Variants in RASSF5 observed in about 807,000 individuals in gnomAD.
The protein encoded by RASSF5 is Ras association domain family member 5, also known as ras association domain-containing protein 5.
A neutral mutation model predicts 40.5 loss-of-function variants in RASSF5; 25 were observed. The observed-to-expected ratio is 0.62, with a 90% confidence interval of 0.45 to 0.86. The LOEUF (loss-of-function observed/expected upper bound fraction) is 0.86, where lower values mean the gene tolerates loss of function less well. Ranked by LOEUF, RASSF5 falls within the 40% of genes least tolerant of loss-of-function variation. RASSF5 has a pLI of 0.00. For missense variants in RASSF5, 521 were observed against 572.8 expected, an observed-to-expected ratio of 0.91 and a Z score of 0.92; for synonymous variants, 246 against 252.4, an observed-to-expected ratio of 0.97 and a Z score of 0.24.
chr1:206,540,437 G>A (rs1667516502), intron 2 of RASSF5, among the ~76,000 whole-genome samples: 1 of 152,264 alleles, frequency 6.6e-6, no homozygotes, highest in African/African-American at 2.4e-5. Context: ...GTCTAGAGCA[G>A]AAACACCACT....
At position 206,586,909 on chromosome 1, in the gene RASSF5, A is replaced by G. The variant is rs1669141038; in HGVS notation, c.1188A>G (p.Gln396=). Residue 396 remains glutamine, a synonymous_variant, in exon 6 of 6, where the codon CAA becomes CAG. Transcript: ENST00000579436. Reference sequence around the variant, plus strand: ...AGCAGGACAAAATCCAACAAGTGCAAAAGAAGTATGACAAGTTTAGGCAGA... The same window carrying G: ...AGCAGGACAAAATCCAACAAGTGCAGAAGAAGTATGACAAGTTTAGGCAGA... The part of the protein sequence containing the change: ...KEEQDKIQQV[Q]KKYDKFRQKL... The G allele has an allele frequency of 1.2e-6, 2 of 1,614,214 alleles. No individual in the cohort carries two copies. The highest frequency in any genetic ancestry group is 1.7e-5 in the Admixed American group (1 of 60,030).
At chr1:206,529,441 T>C (rs1460982784) in intron 1 of RASSF5, 7 of 902,566 alleles carry the variant, frequency 7.8e-6, no homozygotes, top group South Asian at 2.7e-5. Context: ...AAAATGGGGG[T>C]CCCTTACTGC....
chr1:206,573,268 C>T (rs1178146018), intron 2 of RASSF5, among the ~76,000 whole-genome samples: 1 of 152,054 alleles, frequency 6.6e-6, no homozygotes, highest in East Asian at 1.9e-4. Flanking sequence ...CACATCAATC[C>T]CGTGAGGCAA....
In RASSF5 at chr1:206,586,888, G is replaced by A; in HGVS notation, c.1167G>A (p.Gln389=). ...TAACAATCCTGGAAAAAGAGGAGCA[G>A]GACAAAATCCAACAAGTGCAAAAGA... is the stretch of plus-strand genomic sequence containing the variant. ...NFLTILEKEE[Q]DKIQQVQKKY... Residue 389 remains glutamine (Q), a synonymous_variant, in exon 6 of 6, where the codon CAG becomes CAA. Coordinates refer to ENST00000579436, the MANE Select transcript of RASSF5 (RefSeq NM_182663.4). 1 of 1,614,160 alleles carries A rather than the reference G, an allele frequency of 6.2e-7. No individual in the cohort carries two copies. Among genetic ancestry groups the A allele is most frequent in the Non-Finnish European group, 8.5e-7 (1 of 1,180,032 alleles).
At chr1:206,521,273 A>G (rs1553396057) in intron 1 of RASSF5, among the ~76,000 whole-genome samples, 8 of 152,222 alleles carry the variant, frequency 5.3e-5, no homozygotes. Context: ...TGTCTCCAGC[A>G]GAGAGGTCCT....
In RASSF5 at chr1:206,517,523, C is replaced by T. The variant is rs781892834; in HGVS notation, c.457+9464C>T. 3.3e-5 allele frequency among the ~76,000 whole-genome samples: 5 copies of T among 152,112 alleles called. No homozygotes were observed. In the South Asian group the frequency reaches 8.3e-4, roughly 25 times the overall value. ...CCCTCCTTCATGTTAAGCTGGTCCC[C>T]GCTGGTGGTTGGCAGGTGAGTCCTG... On this transcript the variant is annotated intron_variant, in intron 1 of 5. Transcript: ENST00000579436.
Position 206,560,451 on chromosome 1 carries a change from C to T in RASSF5, c.579+22158C>T, listed in dbSNP as rs1668107241. Among the ~76,000 whole-genome samples, 1 of 152,240 alleles carries T rather than the reference C, an allele frequency of 6.6e-6. No individual in the cohort carries two copies. The highest frequency in any genetic ancestry group is 2.4e-5 in the African/African-American group (1 of 41,464). On this transcript the variant is annotated intron_variant, in intron 2 of 5. Transcript: ENST00000579436. The surrounding 1 kb of genome is among the most constrained non-coding windows in gnomAD (Gnocchi z 5.1). ...CAGCAAGGGAGATGGGGGCACCAGG[C>T]CCTGGGCCCTAGCTTGGTCTCTCTT...
chr1:206,562,013 GCCC>G (rs1411624871), intron 2 of RASSF5, among the ~76,000 whole-genome samples: 1 of 152,066 alleles, frequency 6.6e-6, no homozygotes, highest in African/African-American at 2.4e-5. Flanking sequence ...ACACTCCCAT[GCCC>G]CCATCTGCCT....
chr1:206,553,331 T>C (rs1667897838), intron 2 of RASSF5, among the ~76,000 whole-genome samples: 1 of 152,192 alleles, frequency 6.6e-6, no homozygotes, highest in Non-Finnish European at 1.5e-5. Context: ...GTTGTTATGG[T>C]ACCATGATCA....
At chr1:206,534,172 C>T (rs1341423089) in intron 1 of RASSF5, among the ~76,000 whole-genome samples, 2 of 152,326 alleles carry the variant, frequency 1.3e-5, no homozygotes, top group African/African-American at 2.4e-5. Flanking sequence ...TCCATCCCAG[C>T]TCCTGGTTGT....
intron 1 of RASSF5, among the ~76,000 whole-genome samples, chr1:206,519,214 A>G (rs888233911): frequency 2.0e-5 from 3 of 152,186 alleles, no homozygotes; most frequent in East Asian, 3.8e-4. Context: ...AAATCATCAT[A>G]GGATCTTAGG....
intron 1 of RASSF5, chr1:206,518,650 A>T: frequency 1.1e-5 from 4 of 362,012 alleles, no homozygotes; most frequent in Admixed American, 4.7e-5. Flanking sequence ...TCTGCTGTTT[A>T]GTGCTGAGCT....
At chr1:206,546,211 G>A (rs1383003443) in intron 2 of RASSF5, among the ~76,000 whole-genome samples, 1 of 141,036 alleles carries the variant, frequency 7.1e-6, no homozygotes, top group Non-Finnish European at 1.5e-5. Flanking sequence ...CCAAGCTCAG[G>A]TGATCCTCCA....
At chr1:206,524,181 T>C (rs1366014636) in intron 1 of RASSF5, among the ~76,000 whole-genome samples, 1 of 136,878 alleles carries the variant, frequency 7.3e-6, no homozygotes, top group Non-Finnish European at 1.5e-5. Context: ...ATATACTTTA[T>C]ATATAATATA....
intron 1 of RASSF5, among the ~76,000 whole-genome samples, chr1:206,537,673 A>G (rs1469430900): frequency 6.6e-6 from 1 of 152,184 alleles, no homozygotes; most frequent in Non-Finnish European, 1.5e-5. Context: ...TGTCATGTCG[A>G]TGCTCAAAGA....
At chr1:206,515,479 T>C (rs1666725253) in intron 1 of RASSF5, among the ~76,000 whole-genome samples, 1 of 152,166 alleles carries the variant, frequency 6.6e-6, no homozygotes, top group Non-Finnish European at 1.5e-5. Flanking sequence ...CAGTCCTCCT[T>C]CTTGCCATGG....
chr1:206,578,159 G>A (rs541094441), intron 2 of RASSF5, among the ~76,000 whole-genome samples: 7 of 152,020 alleles, frequency 4.6e-5, no homozygotes, highest in Non-Finnish European at 8.8e-5. Flanking sequence ...CTAGGAGGTC[G>A]AGGCTGCAGT....
At chr1:206,551,151 G>A (rs868923752) in intron 2 of RASSF5, among the ~76,000 whole-genome samples, 3 of 152,154 alleles carry the variant, frequency 2.0e-5, no homozygotes, top group Non-Finnish European at 2.9e-5. Flanking sequence ...ATCTTTCCTG[G>A]TAGATGTGAG....
rs1326867479 is a variant in RASSF5 at position 206,535,753 on chromosome 1, A to G, written c.458-2419A>G. Among the ~76,000 whole-genome samples the G allele has an allele frequency of 6.6e-6, 1 of 151,168 alleles. No individual in the cohort carries two copies. Among genetic ancestry groups the G allele is most frequent in the Non-Finnish European group, 1.5e-5 (1 of 67,806 alleles). ...GTGTGTGTGTGTGTGTGAGAGAGAG[A>G]GAGAGAGATGGAAATTGAGAGATTC... On this transcript the variant is annotated intron_variant, in intron 1 of 5. Coordinates refer to ENST00000579436, the MANE Select transcript of RASSF5 (RefSeq NM_182663.4). This position sits in a 1 kb window ranked among gnomAD's most constrained non-coding sequence, Gnocchi z 5.0.
Sources: allele counts gnomAD v4.1 joint callset (sites outside exome capture counted in the v4.1 genomes callset), GRCh38; gene constraint gnomAD v4.1.1; non-coding constraint Gnocchi (gnomAD v3.1); transcripts MANE v1.5; gene names NCBI Gene and HGNC (gene_info 2026-07-23, HGNC 2026-07-21).